KIAA2012: variants seen among roughly 807,000 people sequenced by gnomAD.
KIAA2012 encodes the protein KIAA2012, also known as uncharacterized protein KIAA2012.
KIAA2012 carries 125 observed loss-of-function variants against 150.6 expected under a neutral mutation model. The observed-to-expected ratio is 0.83, with a 90% CI of 0.72 to 0.96. The LOEUF (loss-of-function observed/expected upper bound fraction) is 0.96, where lower values mean the gene tolerates loss of function less well. Among genes scored for constraint, KIAA2012 ranks in the 40% least tolerant of loss-of-function variants. KIAA2012 has a pLI of 0.00. For synonymous variants in KIAA2012, 462 were observed against 504.7 expected, an observed-to-expected ratio of 0.92 and a Z score of 1.13; for missense variants, 1,219 against 1,354.9, an observed-to-expected ratio of 0.90 and a Z score of 1.57.
chr2:202,077,023 G>A (rs929504455), intron 2 of KIAA2012: 5 of 457,146 alleles, frequency 1.1e-5, no homozygotes, highest in African/African-American at 1.0e-4. Context: ...TCTGCCTCAA[G>A]TGAAAAGAAG....
In KIAA2012 at chr2:202,191,085, T is replaced by C. The variant is rs535341492; in HGVS notation, c.2811+592T>C. On this transcript the variant is annotated intron_variant, in intron 19 of 23. Coordinates refer to ENST00000498697, the MANE Select transcript of KIAA2012 (RefSeq NM_001277372.4). ...TGAGGTCAGGAGTTCAAGACCAGCC[T>C]GGCCAACATAGGGAAAGCCCGTTTC... 7.2e-5 allele frequency among the ~76,000 whole-genome samples: 11 copies of C among 151,974 alleles called. No homozygotes were observed. The East Asian group carries it at 1.9e-3, about 27-fold the overall frequency.
In KIAA2012 at chr2:202,163,104, C is replaced by CTT. The variant is rs11435434; in HGVS notation, c.2047-2165_2047-2164dup. Among the ~76,000 whole-genome samples, 277 of 130,200 alleles carry CTT rather than the reference C, an allele frequency of 2.1e-3. 3 individuals are homozygous for CTT. The highest frequency in any genetic ancestry group is 2.5e-3 in the East Asian group (11 of 4,456). The allele number at this position is 130,200 out of a possible 152,430, so 85.4% of individuals were successfully genotyped here. The stretch of plus-strand genomic sequence containing the variant: ...ATAGAAGTTATTTCACATGTATATT[C>CTT]TTTTTTTTTTTTTTTTCAAGATGAA... On this transcript the variant is annotated intron_variant, in intron 14 of 23. Transcript: ENST00000498697.
intron 18 of KIAA2012, among the ~76,000 whole-genome samples, 198 bp downstream of exon 18, chr2:202,188,464 T>A (rs1692271207): frequency 6.6e-6 from 1 of 152,162 alleles, no homozygotes; most frequent in African/African-American, 2.4e-5. Context: ...ACGGGGAGCC[T>A]AGAGGCCTGT....
chr2:202,180,397 T>G (rs763916317), intron 15 of KIAA2012, among the ~76,000 whole-genome samples: 3 of 152,226 alleles, frequency 2.0e-5, no homozygotes, highest in Non-Finnish European at 4.4e-5. Flanking sequence ...CTTTTTCATA[T>G]GTATTTCTAC....
intron 15 of KIAA2012, among the ~76,000 whole-genome samples, chr2:202,173,270 TAAGA>T (rs1464499943): frequency 6.6e-6 from 1 of 151,960 alleles, no homozygotes; most frequent in African/African-American, 2.4e-5. Context: ...AAGGACAACA[TAAGA>T]AAGGAAAATT....
chr2:202,195,377 G>C (rs1692395379), intron 21 of KIAA2012, among the ~76,000 whole-genome samples: 1 of 151,960 alleles, frequency 6.6e-6, no homozygotes. Flanking sequence ...AATTAGCTGG[G>C]TGTAGTGGTG....
At chr2:202,121,309 T>TAC (rs1690648067) in intron 11 of KIAA2012, among the ~76,000 whole-genome samples, 1 of 152,262 alleles carries the variant, frequency 6.6e-6, no homozygotes, top group African/African-American at 2.4e-5. Context: ...TACATCAGCT[T>TAC]ACCTTGTGCC....
rs571686717 is a variant in KIAA2012, at chr2:202,125,935, C to CTTTTTTTTTTTTTTTTTTTTTTTTTTT, written c.1831+663_1831+689dup. 4 of 126,960 alleles carry CTTTTTTTTTTTTTTTTTTTTTTTTTTT rather than the reference C, an allele frequency of 3.2e-5. 2 individuals are homozygous for CTTTTTTTTTTTTTTTTTTTTTTTTTTT. Among genetic ancestry groups the CTTTTTTTTTTTTTTTTTTTTTTTTTTT allele is most frequent in the Non-Finnish European group, 5.5e-5 (4 of 72,530 alleles). 7.9% of individuals were successfully genotyped at this position (126,960 alleles called of 1,614,324 possible). On this transcript the variant is annotated intron_variant, in intron 12 of 23. Coordinates refer to ENST00000498697, the MANE Select transcript of KIAA2012 (RefSeq NM_001277372.4). The stretch of plus-strand genomic sequence containing the variant: ...GAAATGTGAGTGGTGTTCCTGGCTG[C>CTTTTTTTTTTTTTTTTTTTTTTTTTTT]TTTTTTTTTTTTTTTTTTTTTTTTT...
At chr2:202,129,250 C>A (rs1690869683) in intron 12 of KIAA2012, among the ~76,000 whole-genome samples, 1 of 147,216 alleles carries the variant, frequency 6.8e-6, no homozygotes, top group Admixed American at 6.8e-5. Flanking sequence ...GACAGAGTCT[C>A]ACTCTATTGC....
intron 10 of KIAA2012, among the ~76,000 whole-genome samples, chr2:202,112,804 C>A (rs188811798): frequency 6.6e-6 from 1 of 152,292 alleles, no homozygotes; most frequent in East Asian, 1.9e-4. Flanking sequence ...ATAAAAAATA[C>A]CTTCAATCTT....
chr2:202,076,515 C>A (rs1470892867), intron 2 of KIAA2012, among the ~76,000 whole-genome samples: 1 of 152,102 alleles, frequency 6.6e-6, no homozygotes, highest in East Asian at 1.9e-4. Context: ...ATAATAAATT[C>A]TTGAATAAAA....
At chr2:202,154,918 C>T in intron 14 of KIAA2012, 108 bp downstream of exon 14, 1 of 1,261,838 alleles carries the variant, frequency 7.9e-7, no homozygotes, top group South Asian at 1.8e-5. Flanking sequence ...CCTCAGAGCT[C>T]CTGCATTATC....
chr2:202,111,649 A>G (rs190444619), intron 10 of KIAA2012, among the ~76,000 whole-genome samples: 33 of 152,000 alleles, frequency 2.2e-4, no homozygotes, highest in Non-Finnish European at 8.8e-5. Context: ...TTATATGCCC[A>G]TGAGTACCTG....
In KIAA2012 at chr2:202,100,302, T is replaced by C; in HGVS notation, c.1013-5T>C. On this transcript the variant is annotated splice_region_variant and splice_polypyrimidine_tract_variant and intron_variant, in intron 6 of 23. Coordinates refer to ENST00000498697, the MANE Select transcript of KIAA2012 (RefSeq NM_001277372.4). ...TATATTCTCATTCTCATCCTGTTTT[T>C]AAAGATAAACAAAGGAACGTGAAAC... The C allele has an allele frequency of 6.5e-7, 1 of 1,549,210 alleles. No homozygotes were observed. The highest frequency in any genetic ancestry group is 8.7e-7 in the Non-Finnish European group (1 of 1,146,360).
chr2:202,190,320 A>T lies in KIAA2012; in HGVS notation c.2638A>T (p.Asn880Tyr). ...CTATGAGGAAACAGAAGACACCTCA[A>T]ATAGAGGTTCCTTTGCCTCAGACTC... is the stretch of plus-strand genomic sequence containing the variant. ...VSYEETEDTS[N>Y]RGSFASDSFV... The change falls in exon 19 of 24, where the codon AAT becomes TAT. Residue 880 changes from asparagine to tyrosine, a missense_variant. Asn to Tyr is a moderately radical substitution (Grantham distance 143). Transcript: ENST00000498697. The T allele has an allele frequency of 6.4e-7, 1 of 1,550,570 alleles. No individual in the cohort carries two copies. The highest frequency in any genetic ancestry group is 8.7e-7 in the Non-Finnish European group (1 of 1,146,996).
intron 2 of KIAA2012, among the ~76,000 whole-genome samples, chr2:202,086,907 T>A (rs886935045): frequency 6.6e-6 from 1 of 152,146 alleles, no homozygotes; most frequent in East Asian, 1.9e-4. Context: ...TTGTTTCCCA[T>A]CCCTCCAATC....
In KIAA2012 at chr2:202,194,274, G is replaced by C; in HGVS notation, c.3099G>C (p.Gln1033His). 1 of 1,550,628 alleles carries C rather than the reference G, an allele frequency of 6.4e-7. No homozygotes were observed. The highest frequency in any genetic ancestry group is 8.7e-7 in the Non-Finnish European group (1 of 1,147,008). Residue 1033 changes from glutamine to histidine, a missense_variant, in exon 21 of 24, where the codon CAG (glutamine) becomes CAC (histidine). Coordinates refer to ENST00000498697, the MANE Select transcript of KIAA2012 (RefSeq NM_001277372.4). ...RKQQLRLKAA[Q>H]ERARQQQEEF... ...AGCAGCTCCGGTTGAAAGCAGCCCA[G>C]GAGAGAGCCCGGCAACAGCAAGAGG...
At chr2:202,106,580 G>A (rs1285651192) in intron 9 of KIAA2012, among the ~76,000 whole-genome samples, 2 of 152,108 alleles carry the variant, frequency 1.3e-5, no homozygotes, top group African/African-American at 2.4e-5. Flanking sequence ...CCCGCTACTC[G>A]GGTGGCTGAG....
chr2:202,076,804 T>C (rs1689334500), intron 2 of KIAA2012: 1 of 366,810 alleles, frequency 2.7e-6, no homozygotes, highest in African/African-American at 2.1e-5. Flanking sequence ...CCACTGGTCA[T>C]TGTGCTGGTC....
Sources: allele counts gnomAD v4.1 joint callset (sites outside exome capture counted in the v4.1 genomes callset), GRCh38; gene constraint gnomAD v4.1.1; transcripts MANE v1.5; gene names NCBI Gene and HGNC (gene_info 2026-07-23, HGNC 2026-07-21).